PCDHA9: variants seen among roughly 807,000 people sequenced by gnomAD.
The protein encoded by PCDHA9 is protocadherin alpha-9.
A neutral mutation model predicts 62.0 loss-of-function variants in PCDHA9; 62 were observed. The observed-to-expected ratio is 1.00, with a 90% CI of 0.81 to 1.23. The LOEUF (loss-of-function observed/expected upper bound fraction) is 1.23. Among genes scored for constraint, PCDHA9 ranks in the 50% most tolerant of loss-of-function variants. The pLI is 0.00. For synonymous variants in PCDHA9, 557 were observed against 567.6 expected, an observed-to-expected ratio of 0.98 and a Z score of 0.27; for missense variants, 1,205 against 1,249.8, an observed-to-expected ratio of 0.96 and a Z score of 0.54.
intron 1 of PCDHA9, chr5:140,865,253 G>T (rs782676084): frequency 6.6e-6 from 1 of 152,152 alleles, no homozygotes; most frequent in Non-Finnish European, 1.5e-5. Context: ...TAGCTGTAAG[G>T]ATGTGTATCA....
chr5:140,899,969 A>G (rs2067649868), intron 1 of PCDHA9, among the ~76,000 whole-genome samples: 1 of 151,820 alleles, frequency 6.6e-6, no homozygotes, highest in African/African-American at 2.4e-5. Flanking sequence ...TGCCATGCCC[A>G]GCTACTTTTT....
At chr5:140,918,967 C>T (rs1461992761) in intron 1 of PCDHA9, among the ~76,000 whole-genome samples, 1 of 152,164 alleles carries the variant, frequency 6.6e-6, no homozygotes, top group Non-Finnish European at 1.5e-5. Context: ...AGACAGATAT[C>T]GTTTAGGTTA....
chr5:140,871,925 T>C (rs1554165953), intron 1 of PCDHA9, among the ~76,000 whole-genome samples: 1 of 152,244 alleles, frequency 6.6e-6, no homozygotes, highest in African/African-American at 2.4e-5. Flanking sequence ...TTCCACATTG[T>C]TAGATCAACT....
At chr5:140,997,456 C>T (rs2097770717) in intron 3 of PCDHA9, among the ~76,000 whole-genome samples, 1 of 152,146 alleles carries the variant, frequency 6.6e-6, no homozygotes, top group African/African-American at 2.4e-5. Context: ...ATACTGAATA[C>T]TGTAGGCAAT....
At position 140,984,581 on chromosome 5, in the gene PCDHA9, C is replaced by T. The variant is rs141574202; in HGVS notation, c.2542+2018C>T. ...TCCAACTACTCCATGGCAACCTAAT[C>T]ATACTTTTCAATACATACCTCTGCA... On this transcript the variant is annotated intron_variant, in intron 3 of 3. Transcript: ENST00000532602. 4.4e-3 allele frequency among the ~76,000 whole-genome samples: 664 copies of T among 152,272 alleles called. 7 individuals carry two copies. The highest frequency in any genetic ancestry group is 0.013 in the African/African-American group (558 of 41,552).
At chr5:140,908,958 T>C (rs555962129) in intron 1 of PCDHA9, among the ~76,000 whole-genome samples, 2 of 152,268 alleles carry the variant, frequency 1.3e-5, no homozygotes, top group East Asian at 3.9e-4. Context: ...AGAAGGAATA[T>C]CTTGATAGGC....
intron 1 of PCDHA9, among the ~76,000 whole-genome samples, chr5:140,910,845 G>C (rs1448971238): frequency 6.6e-6 from 1 of 152,090 alleles, no homozygotes; most frequent in Non-Finnish European, 1.5e-5. Context: ...CAATGCCTTG[G>C]ATCTATGTTC....
intron 1 of PCDHA9, among the ~76,000 whole-genome samples, chr5:140,941,214 C>CCTTCCTTTCTTTCTTTCTTTCTTT (rs1554214040): frequency 1.1e-4 from 13 of 122,412 alleles, no homozygotes; most frequent in Non-Finnish European, 1.5e-4. Flanking sequence ...TTTCTTTCTT[C>CCTTCCTTTCTTTCTTTCTTTCTTT]CTTTCTTTCT....
intron 1 of PCDHA9, among the ~76,000 whole-genome samples, chr5:140,908,224 C>T (rs2073867832): frequency 6.6e-6 from 1 of 152,160 alleles, no homozygotes; most frequent in Admixed American, 6.5e-5. Flanking sequence ...GTGAACCAGT[C>T]CTTAGTCTTC....
chr5:140,877,818 T>C (rs1207543793), intron 1 of PCDHA9: 1 of 1,608,890 alleles, frequency 6.2e-7, no homozygotes, highest in Non-Finnish European at 8.5e-7. Flanking sequence ...CTCGAGAAGA[T>C]TGTTTAAATC....
chr5:140,896,902 G>C (rs1427098120), intron 1 of PCDHA9, among the ~76,000 whole-genome samples: 1 of 152,044 alleles, frequency 6.6e-6, no homozygotes, highest in Non-Finnish European at 1.5e-5. Context: ...TTTGATACAA[G>C]CATGCAATGC....
chr5:140,888,197 C>T (rs190439070), intron 1 of PCDHA9, among the ~76,000 whole-genome samples: 18 of 152,162 alleles, frequency 1.2e-4, no homozygotes, highest in East Asian at 1.2e-3. Flanking sequence ...TTTACATTGT[C>T]GGATGCTGGA....
intron 3 of PCDHA9, among the ~76,000 whole-genome samples, chr5:140,996,121 G>A (rs2097712758): frequency 6.6e-6 from 1 of 152,212 alleles, no homozygotes; most frequent in Admixed American, 6.5e-5. Flanking sequence ...GTGCAGGGTG[G>A]TGTAGAGGGT....
chr5:140,895,820 T>A (rs1409721318), intron 1 of PCDHA9, among the ~76,000 whole-genome samples: 2 of 152,156 alleles, frequency 1.3e-5, no homozygotes, highest in Non-Finnish European at 2.9e-5. Context: ...TATTGTATTG[T>A]ATTTTTTTCA....
intron 3 of PCDHA9, among the ~76,000 whole-genome samples, chr5:140,982,798 T>C (rs1310396823): frequency 2.0e-5 from 3 of 151,768 alleles, no homozygotes; most frequent in African/African-American, 7.3e-5. Flanking sequence ...TGTGTGCATG[T>C]GTGTGTGTGT....
intron 3 of PCDHA9, among the ~76,000 whole-genome samples, chr5:141,007,395 C>CAA (rs35800918): frequency 2.8e-4 from 27 of 94,848 alleles, no homozygotes; most frequent in South Asian, 7.0e-4. Context: ...TACTAAAATA[C>CAA]AAAAAAAAAA....
intron 1 of PCDHA9, among the ~76,000 whole-genome samples, chr5:140,934,505 G>C (rs155823): frequency 0.32 from 48,260 of 151,744 alleles, 8,006 homozygotes; most frequent in East Asian, 0.53. Flanking sequence ...ACACCCAAAG[G>C]GTCCATAGAC....
At chr5:140,975,206 T>G (rs2096657939) in intron 1 of PCDHA9, among the ~76,000 whole-genome samples, 1 of 152,232 alleles carries the variant, frequency 6.6e-6, no homozygotes, top group African/African-American at 2.4e-5. Context: ...TCTTCATGGC[T>G]GGCACTGGAG....
At chr5:140,854,870 CTG>C (rs2043251909) in intron 1 of PCDHA9, among the ~76,000 whole-genome samples, 1 of 149,668 alleles carries the variant, frequency 6.7e-6, no homozygotes, top group African/African-American at 2.4e-5. Flanking sequence ...TATTTCAGAA[CTG>C]TGTCTTTTGG....
Sources: allele counts gnomAD v4.1 joint callset (sites outside exome capture counted in the v4.1 genomes callset), GRCh38; gene constraint gnomAD v4.1.1; transcripts MANE v1.5; gene names NCBI Gene and HGNC (gene_info 2026-07-23, HGNC 2026-07-21).